Variants in MARCHF1 observed in about 807,000 individuals in gnomAD.
MARCHF1 encodes membrane associated ring-CH-type finger 1.
Under a neutral mutation model 54.2 loss-of-function variants are expected in MARCHF1, and 40 were observed. That is an observed-to-expected ratio of 0.74 (90% CI 0.57 to 0.96). MARCHF1 has a LOEUF of 0.96. MARCHF1 is among the 40% of genes least tolerant of loss of function. MARCHF1 has a pLI of 0.00. For missense variants in MARCHF1, 586 were observed against 656.5 expected, an observed-to-expected ratio of 0.89 and a Z score of 1.17; for synonymous variants, 236 against 236.3, an observed-to-expected ratio of 1.00 and a Z score of 0.01.
At chr4:163,995,755 G>A (rs1290178898) in intron 2 of MARCHF1, among the ~76,000 whole-genome samples, 2 of 152,076 alleles carry the variant, frequency 1.3e-5, no homozygotes, top group Non-Finnish European at 2.9e-5. Context: ...TTGACGACCA[G>A]TTTAAGTCCT....
intron 2 of MARCHF1, among the ~76,000 whole-genome samples, chr4:163,995,765 T>C (rs1490728130): frequency 6.6e-6 from 1 of 152,074 alleles, no homozygotes; most frequent in African/African-American, 2.4e-5. Context: ...GTTTAAGTCC[T>C]GGAAAACTGA....
chr4:164,022,153 C>A (rs1415578393), intron 2 of MARCHF1, among the ~76,000 whole-genome samples: 3 of 152,114 alleles, frequency 2.0e-5, no homozygotes, highest in South Asian at 4.1e-4. Context: ...TGTGCAATAT[C>A]TCTTGCCAAG....
intron 1 of MARCHF1, among the ~76,000 whole-genome samples, chr4:164,294,394 G>A (rs1213111484): frequency 6.6e-6 from 1 of 152,118 alleles, no homozygotes; most frequent in Non-Finnish European, 1.5e-5. Flanking sequence ...TTCCTTCTGA[G>A]TCCAGCCATG....
At chr4:163,981,155 T>A (rs1752755143) in intron 3 of MARCHF1, among the ~76,000 whole-genome samples, 1 of 152,208 alleles carries the variant, frequency 6.6e-6, no homozygotes, top group Admixed American at 6.5e-5. Flanking sequence ...ATTGTTTTTT[T>A]TTTTTCCTAA....
chr4:163,555,631 C>T (rs1739258896), intron 8 of MARCHF1, among the ~76,000 whole-genome samples: 1 of 151,938 alleles, frequency 6.6e-6, no homozygotes, highest in South Asian at 2.1e-4. Flanking sequence ...GCATGTTGAA[C>T]CAGCAGAAAA....
At chr4:164,143,949 A>G (rs1217345347) in intron 1 of MARCHF1, among the ~76,000 whole-genome samples, 1 of 152,228 alleles carries the variant, frequency 6.6e-6, no homozygotes, top group Admixed American at 6.5e-5. Flanking sequence ...AGAGACACAC[A>G]TAGGCTCAAA....
intron 3 of MARCHF1, among the ~76,000 whole-genome samples, chr4:163,913,994 C>CT (rs5863638): frequency 7.6e-4 from 116 of 151,954 alleles, no homozygotes; most frequent in African/African-American, 2.6e-3. Context: ...GATCTCTATT[C>CT]TTTTTTTTTT....
chr4:163,595,679 C>T (rs1740745033), intron 7 of MARCHF1, among the ~76,000 whole-genome samples: 1 of 152,174 alleles, frequency 6.6e-6, no homozygotes, highest in East Asian at 1.9e-4. Context: ...CATAATATCA[C>T]TTATATGAAA....
chr4:164,175,775 T>G (rs1164142920), intron 1 of MARCHF1, among the ~76,000 whole-genome samples: 1 of 152,184 alleles, frequency 6.6e-6, no homozygotes, highest in Non-Finnish European at 1.5e-5. Context: ...CACGCTGCCC[T>G]GCAGCTTGGG....
intron 5 of MARCHF1, among the ~76,000 whole-genome samples, chr4:163,682,627 G>T (rs1384555090): frequency 6.6e-6 from 1 of 152,220 alleles, no homozygotes; most frequent in Non-Finnish European, 1.5e-5. Context: ...ATCCTCACAT[G>T]CTGTGGAAGG....
intron 1 of MARCHF1, among the ~76,000 whole-genome samples, chr4:164,114,161 T>G (rs1560910944): frequency 6.6e-6 from 1 of 151,974 alleles, no homozygotes; most frequent in Non-Finnish European, 1.5e-5. Flanking sequence ...TTTATCTACC[T>G]ATCAGTCGAT....
At chr4:163,826,149 T>C (rs1334473263) in intron 4 of MARCHF1, among the ~76,000 whole-genome samples, 2 of 151,886 alleles carry the variant, frequency 1.3e-5, no homozygotes, top group African/African-American at 4.8e-5. Flanking sequence ...TATTTTATTG[T>C]TTAATTTACT....
chr4:163,721,368 A>C (rs1247716654), intron 4 of MARCHF1, among the ~76,000 whole-genome samples: 1 of 151,822 alleles, frequency 6.6e-6, no homozygotes, highest in African/African-American at 2.4e-5. Flanking sequence ...CTTGCATCCC[A>C]GGGATGAAGC....
intron 4 of MARCHF1, among the ~76,000 whole-genome samples, chr4:163,803,997 T>A (rs1158684611): frequency 1.3e-5 from 2 of 152,190 alleles, no homozygotes; most frequent in Non-Finnish European, 2.9e-5. Flanking sequence ...TTTCGCAGTA[T>A]ACCCTTTCTT....
intron 3 of MARCHF1, among the ~76,000 whole-genome samples, chr4:163,965,975 A>T (rs1408479959): frequency 6.6e-6 from 1 of 152,124 alleles, no homozygotes; most frequent in Non-Finnish European, 1.5e-5. Context: ...AGATTGAGAG[A>T]TGACAGATAC....
intron 9 of MARCHF1, among the ~76,000 whole-genome samples, chr4:163,538,962 AGT>A (rs1233480474): frequency 1.3e-5 from 2 of 152,038 alleles, no homozygotes; most frequent in African/African-American, 4.8e-5. Flanking sequence ...GGAAACTTTA[AGT>A]GTGTTTGCAG....
chr4:164,249,122 C>A (rs1294988160), intron 1 of MARCHF1, among the ~76,000 whole-genome samples: 1 of 151,986 alleles, frequency 6.6e-6, no homozygotes, highest in East Asian at 1.9e-4. Flanking sequence ...TATTTACAAT[C>A]CCGGGGTAGA....
intron 1 of MARCHF1, among the ~76,000 whole-genome samples, chr4:164,195,181 T>C (rs1731222114): frequency 1.3e-5 from 2 of 152,256 alleles, no homozygotes; most frequent in Admixed American, 6.5e-5. Flanking sequence ...GAGGTCATGA[T>C]TTATTCTTTA....
chr4:163,802,421 CT>C (rs1395724245), intron 4 of MARCHF1, among the ~76,000 whole-genome samples: 1 of 152,132 alleles, frequency 6.6e-6, no homozygotes, highest in Non-Finnish European at 1.5e-5. Flanking sequence ...CTGTAATTTA[CT>C]TCATATTTTA....
Sources: allele counts gnomAD v4.1 joint callset (sites outside exome capture counted in the v4.1 genomes callset), GRCh38; gene constraint gnomAD v4.1.1; transcripts MANE v1.5; gene names NCBI Gene and HGNC (gene_info 2026-07-23, HGNC 2026-07-21).